Variants in PAPPA2 observed in about 807,000 individuals in gnomAD.
PAPPA2 encodes the protein pappalysin 2.
In PAPPA2, 86 loss-of-function variants were observed where a neutral mutation model predicts 176.4. The ratio of observed to expected loss-of-function variants is 0.49; its 90% confidence interval spans 0.41 to 0.58. PAPPA2 has a LOEUF of 0.58. PAPPA2 is among the 20% of genes least tolerant of loss of function. The pLI, the probability that PAPPA2 is intolerant of heterozygous loss-of-function variation, is 0.00. For synonymous variants in PAPPA2, 809 were observed against 852.2 expected, an observed-to-expected ratio of 0.95 and a Z score of 0.88; for missense variants, 2,073 against 2,256.9, an observed-to-expected ratio of 0.92 and a Z score of 1.65.
chr1:176,765,922 G>T, intron 15 of PAPPA2, 85 bp downstream of exon 15: 4 of 1,498,376 alleles, frequency 2.7e-6, no homozygotes, highest in Non-Finnish European at 3.6e-6. Context: ...CACAGGGAAA[G>T]AGCAGATGTT....
intron 1 of PAPPA2, among the ~76,000 whole-genome samples, chr1:176,503,004 G>C (rs564023733): frequency 1.6e-4 from 25 of 152,114 alleles, no homozygotes; most frequent in Admixed American, 9.2e-4. Flanking sequence ...TGCAAATTTC[G>C]TGGTTTAAAA....
chr1:176,518,374 C>T (rs1321498957), intron 1 of PAPPA2, among the ~76,000 whole-genome samples: 1 of 151,562 alleles, frequency 6.6e-6, no homozygotes. Flanking sequence ...TGATAAAGTC[C>T]ATTCTGATAA....
At chr1:176,545,671 G>A (rs1650598931) in intron 1 of PAPPA2, among the ~76,000 whole-genome samples, 1 of 152,216 alleles carries the variant, frequency 6.6e-6, no homozygotes, top group South Asian at 2.1e-4. Context: ...AAATTTTGGT[G>A]TCCTCAGTGG....
At chr1:176,534,357 C>A (rs1209032059) in intron 1 of PAPPA2, among the ~76,000 whole-genome samples, 1 of 152,188 alleles carries the variant, frequency 6.6e-6, no homozygotes, top group African/African-American at 2.4e-5. Flanking sequence ...TCATTTGCTT[C>A]TATTCCAGTC....
chr1:176,583,056 T>G (rs1653083858), intron 2 of PAPPA2, among the ~76,000 whole-genome samples: 1 of 152,146 alleles, frequency 6.6e-6, no homozygotes, highest in Non-Finnish European at 1.5e-5. Flanking sequence ...TAGTTTCTAA[T>G]GATATTTTGT....
rs1038301531 is a variant in PAPPA2 at position 176,496,863 on chromosome 1, C to G, written c.-917+33445C>G. Among the ~76,000 whole-genome samples the G allele has an allele frequency of 2.6e-5, 4 of 152,190 alleles. No homozygotes were observed. In the South Asian group the frequency reaches 8.3e-4, roughly 32 times the overall value. Reference sequence around the variant, plus strand: ...GAGAGTGAGGCATGGGACTTGTCCACGGTCACATTACTCAAGAGTAACATG... The same window carrying G: ...GAGAGTGAGGCATGGGACTTGTCCAGGGTCACATTACTCAAGAGTAACATG... On this transcript the variant is annotated intron_variant, in intron 1 of 22. Transcript: ENST00000367662.
intron 12 of PAPPA2, among the ~76,000 whole-genome samples, chr1:176,729,228 G>A (rs1047860298): frequency 5.9e-5 from 9 of 151,820 alleles, no homozygotes; most frequent in South Asian, 2.1e-4. Context: ...TTCTAATATC[G>A]TCTGTTAAAG....
rs116265606 is a variant in PAPPA2 at position 176,690,763 on chromosome 1, G to A, written c.2431+333G>A. The A allele has an allele frequency of 8.0e-4, 883 of 1,108,822 alleles. 7 individuals carry two copies. In the African/African-American group the frequency reaches 0.013, roughly 16 times the overall value. The allele number at this position is 1,108,822 out of a possible 1,614,324, so 68.7% of individuals were successfully genotyped here. On this transcript the variant is annotated intron_variant, in intron 5 of 22. Transcript: ENST00000367662. ...AATGTGGTTATTCTTATTTTTGCCC[G>A]CATTCTTAGACATTTACTCTGAAGA...
chr1:176,844,692 GT>G lies in PAPPA2; in HGVS notation c.*2242del, dbSNP rs1667601792. 1 of 152,068 alleles carries G rather than the reference GT, an allele frequency of 6.6e-6. No homozygotes were observed. The highest frequency in any genetic ancestry group is 2.4e-5 in the African/African-American group (1 of 41,422). 9.4% of individuals were successfully genotyped at this position (152,068 alleles called of 1,614,324 possible). Reference sequence around the variant, plus strand: ...TCTATTTTCAAAATTTTATAAACTTGTTTTATTGGGGAAAATGTCCAAATTG... The same window carrying G: ...TCTATTTTCAAAATTTTATAAACTTGTTTATTGGGGAAAATGTCCAAATTG... On this transcript the variant is annotated 3_prime_UTR_variant, in exon 23 of 23. Coordinates refer to ENST00000367662, the MANE Select transcript of PAPPA2 (RefSeq NM_020318.3).
At chr1:176,484,563 C>T (rs148846321) in intron 1 of PAPPA2, among the ~76,000 whole-genome samples, 95 of 152,252 alleles carry the variant, frequency 6.2e-4, no homozygotes, top group African/African-American at 2.1e-3. Flanking sequence ...GTTTGCTTTG[C>T]AGTTCAGAAA....
At chr1:176,756,203 C>T (rs1339634353) in intron 14 of PAPPA2, among the ~76,000 whole-genome samples, 1 of 152,090 alleles carries the variant, frequency 6.6e-6, no homozygotes, top group Non-Finnish European at 1.5e-5. Flanking sequence ...GATCCACCCA[C>T]CTCAGCCTCC....
At chr1:176,772,889 C>A (rs1318604057) in intron 17 of PAPPA2, among the ~76,000 whole-genome samples, 3 of 151,820 alleles carry the variant, frequency 2.0e-5, no homozygotes, top group Non-Finnish European at 4.4e-5. Context: ...TTTTACACAC[C>A]AGCAGCCACC....
rs1275358075 is a variant in PAPPA2 at position 176,595,428 on chromosome 1, T to C, written c.1824T>C (p.Asp608=). 1 of 1,614,104 alleles carries C rather than the reference T, an allele frequency of 6.2e-7. No homozygotes were observed. Among genetic ancestry groups the C allele is most frequent in the Non-Finnish European group, 8.5e-7 (1 of 1,180,026 alleles). ...GTGAGCACCCACTCACAGGCTATGA[T>C]GGGGGTGACTGCCGCCTGCAGGGCC... ...PECEHPLTGY[D]GGDCRLQGRC... is the part of the protein sequence containing the mutation. The change falls in exon 3 of 23, where the codon GAT becomes GAC. Residue 608 remains aspartate, a synonymous_variant. Coordinates refer to ENST00000367662, the MANE Select transcript of PAPPA2 (RefSeq NM_020318.3).
Position 176,623,615 on chromosome 1 carries a change from C to CTTTTT in PAPPA2, c.1991+28022_1991+28023insTTTTT, listed in dbSNP as rs869292066. 7.5e-3 allele frequency among the ~76,000 whole-genome samples: 875 copies of CTTTTT among 116,868 alleles called. 5 individuals are homozygous for CTTTTT. Among genetic ancestry groups the CTTTTT allele is most frequent in the Non-Finnish European group, 0.011 (617 of 56,584 alleles). The allele number at this position is 116,868 out of a possible 152,430, so 76.7% of individuals were successfully genotyped here. On this transcript the variant is annotated intron_variant, in intron 3 of 22. Transcript: ENST00000367662. ...CCTTCCTTCCTTCCTTCCTTCCTTC[C>CTTTTT]TTCCTTCCTTTTTTACTTTCTTTCT...
At chr1:176,641,502 A>G (rs950208699) in intron 3 of PAPPA2, among the ~76,000 whole-genome samples, 7 of 150,924 alleles carry the variant, frequency 4.6e-5, no homozygotes, top group African/African-American at 1.5e-4. Flanking sequence ...ATAGTTGTAG[A>G]TATGCGGCGT....
chr1:176,532,198 T>A (rs1649852090), intron 1 of PAPPA2, among the ~76,000 whole-genome samples: 1 of 152,220 alleles, frequency 6.6e-6, no homozygotes, highest in Non-Finnish European at 1.5e-5. Flanking sequence ...GACCTCTATT[T>A]AATTTTCTGA....
intron 3 of PAPPA2, among the ~76,000 whole-genome samples, chr1:176,620,583 G>A (rs1217808660): frequency 6.6e-5 from 10 of 152,122 alleles, no homozygotes; most frequent in Admixed American, 6.5e-4. Flanking sequence ...TATTGTTGTA[G>A]TATGAAAGCA....
At chr1:176,553,487 A>T (rs1651088517) in intron 1 of PAPPA2, 1 of 151,046 alleles carries the variant, frequency 6.6e-6, no homozygotes, top group African/African-American at 2.4e-5. Context: ...ATGGTTCAAC[A>T]TTTTTTTTTA....
chr1:176,546,587 C>T (rs909670416), intron 1 of PAPPA2, among the ~76,000 whole-genome samples: 14 of 152,088 alleles, frequency 9.2e-5, no homozygotes, highest in African/African-American at 3.1e-4. Context: ...ACACATGAAA[C>T]ATTTGTCCTG....
Sources: gnomAD v4.1 joint callset for allele counts (sites outside exome capture counted in the v4.1 genomes callset) on GRCh38, gnomAD v4.1.1 for gene constraint, MANE v1.5 for transcripts, NCBI Gene and HGNC (gene_info 2026-07-23, HGNC 2026-07-21) for gene names.